The following TAFA2 variants were observed in gnomAD, a reference collection of about 807,000 sequenced individuals.
TAFA2 encodes chemokine-like protein TAFA-2.
A neutral mutation model predicts 18.8 loss-of-function variants in TAFA2; 7 were observed. The ratio of observed to expected loss-of-function variants is 0.37; its 90% CI spans 0.21 to 0.70. The LOEUF (loss-of-function observed/expected upper bound fraction) is 0.70. TAFA2 is among the 30% of genes least tolerant of loss of function. TAFA2 has a pLI of 0.53. For synonymous variants in TAFA2, 60 were observed against 54.2 expected (o/e 1.11, Z -0.47); for missense variants, 122 against 158.1 (o/e 0.77, Z 1.23).
chr12:62,236,921 G>A (rs1285680384), intron 1 of TAFA2, among the ~76,000 whole-genome samples: 2 of 152,060 alleles, frequency 1.3e-5, no homozygotes, highest in African/African-American at 2.4e-5. Flanking sequence ...TACGCCTTGA[G>A]GTAGTCTTAT....
intron 1 of TAFA2, among the ~76,000 whole-genome samples, chr12:62,221,186 G>A (rs1476815920): frequency 7.3e-6 from 1 of 137,662 alleles, no homozygotes; most frequent in Non-Finnish European, 1.6e-5. Flanking sequence ...GGGAGGGGAG[G>A]GGAGAAGGAA....
intron 1 of TAFA2, among the ~76,000 whole-genome samples, chr12:62,049,107 T>C (rs1592304750): frequency 6.6e-6 from 1 of 152,132 alleles, no homozygotes; most frequent in Non-Finnish European, 1.5e-5. Flanking sequence ...CAACCTCCAG[T>C]GGATATGTCA....
chr12:62,064,393 T>TA (rs879319535), intron 1 of TAFA2, among the ~76,000 whole-genome samples: 4 of 152,126 alleles, frequency 2.6e-5, no homozygotes, highest in East Asian at 1.9e-4. Context: ...TTTGAATAAT[T>TA]AAAAAAACAA....
chr12:61,930,368 C>T (rs939880667), intron 1 of TAFA2, among the ~76,000 whole-genome samples: 14 of 152,150 alleles, frequency 9.2e-5, no homozygotes, highest in African/African-American at 2.9e-4. Flanking sequence ...CATCTTTGTA[C>T]TCCTGAATGC....
chr12:61,795,024 A>T (rs1871134532), intron 2 of TAFA2, among the ~76,000 whole-genome samples: 1 of 152,300 alleles, frequency 6.6e-6, no homozygotes, highest in East Asian at 1.9e-4. Flanking sequence ...TCAAAACCAC[A>T]ATGAGATACC....
chr12:62,148,306 A>G (rs1323131018), intron 1 of TAFA2, among the ~76,000 whole-genome samples: 1 of 152,234 alleles, frequency 6.6e-6, no homozygotes, highest in African/African-American at 2.4e-5. Context: ...GGTGCCCATC[A>G]ATGGTGGGTT....
intron 1 of TAFA2, among the ~76,000 whole-genome samples, chr12:62,049,311 C>T (rs764755086): frequency 2.0e-5 from 3 of 152,154 alleles, no homozygotes; most frequent in Non-Finnish European, 4.4e-5. Flanking sequence ...AGCAAGACAT[C>T]CTATTTTCAT....
At chr12:62,003,341 C>G (rs1253360163) in intron 1 of TAFA2, among the ~76,000 whole-genome samples, 3 of 152,158 alleles carry the variant, frequency 2.0e-5, no homozygotes, top group Non-Finnish European at 4.4e-5. Flanking sequence ...CTATTCTCAT[C>G]TGCTAACTCA....
intron 2 of TAFA2, among the ~76,000 whole-genome samples, chr12:61,758,832 C>T (rs935933701): frequency 2.6e-5 from 4 of 151,856 alleles, no homozygotes; most frequent in Non-Finnish European, 5.9e-5. Context: ...TTTAGGGAAC[C>T]AGGGATGTGA....
At chr12:61,873,964 C>T (rs1051746499) in intron 1 of TAFA2, among the ~76,000 whole-genome samples, 1 of 152,088 alleles carries the variant, frequency 6.6e-6, no homozygotes, top group Admixed American at 6.5e-5. Context: ...AATAATGTAA[C>T]TCATACATAT....
intron 1 of TAFA2, among the ~76,000 whole-genome samples, chr12:62,170,234 G>A (rs898837700): frequency 2.6e-5 from 4 of 152,068 alleles, no homozygotes; most frequent in African/African-American, 9.7e-5. Context: ...ATATGTTGAG[G>A]TCCAGTGTTA....
At chr12:61,831,271 G>T (rs550582825) in intron 2 of TAFA2, among the ~76,000 whole-genome samples, 1 of 152,112 alleles carries the variant, frequency 6.6e-6, no homozygotes, top group East Asian at 1.9e-4. Context: ...CTTTGAAATT[G>T]CTGTCATTAA....
At chr12:62,208,724 C>T (rs567252321) in intron 1 of TAFA2, among the ~76,000 whole-genome samples, 1 of 152,236 alleles carries the variant, frequency 6.6e-6, no homozygotes, top group South Asian at 2.1e-4. Context: ...CTTAATATTC[C>T]CCTCTTCCAT....
chr12:62,212,629 G>C (rs2062718970), intron 1 of TAFA2, among the ~76,000 whole-genome samples: 1 of 152,162 alleles, frequency 6.6e-6, no homozygotes, highest in African/African-American at 2.4e-5. Flanking sequence ...TTGGTAGATA[G>C]AATTGCTTTC....
At chr12:61,795,474 G>A (rs1484338576) in intron 2 of TAFA2, among the ~76,000 whole-genome samples, 8 of 151,784 alleles carry the variant, frequency 5.3e-5, no homozygotes, top group Non-Finnish European at 1.2e-4. Context: ...GCAAACTATC[G>A]CAAGGACAAA....
intron 2 of TAFA2, among the ~76,000 whole-genome samples, chr12:61,856,514 C>G (rs1592438098): frequency 6.6e-6 from 1 of 151,966 alleles, no homozygotes; most frequent in East Asian, 1.9e-4. Flanking sequence ...AATACAGGCA[C>G]TCATTCTCTG....
chr12:61,986,750 T>C (rs983139894), intron 1 of TAFA2, among the ~76,000 whole-genome samples: 1 of 152,176 alleles, frequency 6.6e-6, no homozygotes, highest in Admixed American at 6.5e-5. Context: ...AAAGGTATTA[T>C]ATGGAATTTC....
At chr12:62,014,572 C>T (rs1880869938) in intron 1 of TAFA2, among the ~76,000 whole-genome samples, 1 of 152,158 alleles carries the variant, frequency 6.6e-6, no homozygotes, top group African/African-American at 2.4e-5. Context: ...GCAGAGGCTG[C>T]AGTGAGCAGA....
At chr12:62,215,699 A>AAGAGAAACAACTTGTTTCTCTTGCTTT (rs2062732054) in intron 1 of TAFA2, among the ~76,000 whole-genome samples, 1 of 148,720 alleles carries the variant, frequency 6.7e-6, no homozygotes, top group African/African-American at 2.5e-5. Context: ...TCTCTTGCTT[A>AAGAGAAACAACTTGTTTCTCTTGCTTT]AGAGAAACAA....
Sources: gnomAD v4.1 joint callset for allele counts (sites outside exome capture counted in the v4.1 genomes callset) on GRCh38, gnomAD v4.1.1 for gene constraint, MANE v1.5 for transcripts, NCBI Gene and HGNC (gene_info 2026-07-23, HGNC 2026-07-21) for gene names.